The following PEX2 variants were observed in gnomAD, a reference collection of about 807,000 sequenced individuals.
PEX2 encodes peroxisome biogenesis factor 2.
PEX2 carries 19 observed loss-of-function variants against 25.2 expected under a neutral mutation model. That is an observed-to-expected ratio of 0.75 (90% confidence interval 0.53 to 1.10). The LOEUF (loss-of-function observed/expected upper bound fraction) is 1.10. Ranked by LOEUF, PEX2 falls within the 50% of genes least tolerant of loss-of-function variation. The pLI is 0.00. For synonymous variants in PEX2, 141 were observed against 127.7 expected, an observed-to-expected ratio of 1.10 and a Z score of -0.70; for missense variants, 347 against 350.6, an observed-to-expected ratio of 0.99 and a Z score of 0.08.
chr8:76,985,390 A>G (rs1310944102), intron 3 of PEX2, among the ~76,000 whole-genome samples: 1 of 152,188 alleles, frequency 6.6e-6, no homozygotes, highest in Non-Finnish European at 1.5e-5. Context: ...ACTCATGTCC[A>G]GAATAGCATA....
rs543650889 is a variant in PEX2, at chr8:76,991,655, T to C, written c.-159-3317A>G. On this transcript the variant is annotated intron_variant, in intron 1 of 3. Coordinates refer to ENST00000357039, the MANE Select transcript of PEX2 (RefSeq NM_000318.3). ...AATACTTCTCCCATGCTCTACATTC[T>C]TCTTTAGGCATCTGTCACAGAGTGG... Among the ~76,000 whole-genome samples, 6 of 152,316 alleles carry C rather than the reference T, an allele frequency of 3.9e-5. No homozygotes were observed. The South Asian group carries it at 1.2e-3, about 32-fold the overall frequency.
At chr8:76,986,613 T>C (rs935493074) in intron 2 of PEX2, 1 of 152,298 alleles carries the variant, frequency 6.6e-6, no homozygotes, top group East Asian at 1.9e-4. Context: ...AAGTACCCCC[T>C]TCTCCTGTTC....
rs1806996993 is a variant in PEX2 at position 76,986,186 on chromosome 8, C to T, written c.-18+1G>A. ...CCAATGATCTTCTGGGGAGATCTCACCTTTTTCCTGTTCCTGCAGCTCCCT... is the reference window on the plus strand; with the variant it reads ...CCAATGATCTTCTGGGGAGATCTCATCTTTTTCCTGTTCCTGCAGCTCCCT... On this transcript the variant is annotated splice_donor_variant, in intron 3 of 3. Transcript: ENST00000357039. LOFTEE classifies it low-confidence loss of function (5UTR_SPLICE). The T allele has an allele frequency of 6.6e-6, 1 of 152,116 alleles. No individual in the cohort carries two copies. The highest frequency in any genetic ancestry group is 6.5e-5 in the Admixed American group (1 of 15,282). The allele number at this position is 152,116 out of a possible 1,614,324, so 9.4% of individuals were successfully genotyped here. A position where few individuals can be genotyped will look rare whatever the true frequency, so the allele number is the denominator to read the frequency against.
chr8:76,997,473 G>A (rs1040344912), intron 1 of PEX2, among the ~76,000 whole-genome samples: 2 of 152,152 alleles, frequency 1.3e-5, no homozygotes, highest in African/African-American at 2.4e-5. Context: ...GGAGGCTGAG[G>A]TAGGAGAACT....
At chr8:77,000,789 CG>C (rs1722920125), upstream of PEX2, 1 of 152,470 alleles carries the variant, frequency 6.6e-6, no homozygotes, top group South Asian at 2.1e-4. Context: ...CACATCTCCC[CG>C]GTAACGCTTA....
chr8:77,000,360 T>TGAGGGCACTACTAGTGTC (rs1563614870), upstream of PEX2: 7 of 151,094 alleles, frequency 4.6e-5, no homozygotes, highest in Non-Finnish European at 9.9e-5. Flanking sequence ...GGGCCGCAAG[T>TGAGGGCACTACTAGTGTC]GAGGACACTA....
At chr8:76,989,022 A>AAG (rs1807085790) in intron 1 of PEX2, among the ~76,000 whole-genome samples, 1 of 151,032 alleles carries the variant, frequency 6.6e-6, no homozygotes, top group South Asian at 2.1e-4. Flanking sequence ...AAAAAAAAAA[A>AAG]AAAAATTAGC....
chr8:76,986,697 T>C (rs1434201845), intron 2 of PEX2, among the ~76,000 whole-genome samples: 7 of 152,194 alleles, frequency 4.6e-5, no homozygotes, highest in Non-Finnish European at 2.9e-5. Flanking sequence ...AAACTCATAC[T>C]AAGATTTTAA....
intron 1 of PEX2, among the ~76,000 whole-genome samples, chr8:76,992,340 C>A (rs1363791711): frequency 3.3e-5 from 5 of 152,152 alleles, no homozygotes; most frequent in African/African-American, 1.2e-4. Flanking sequence ...TGCTTTGCTG[C>A]ACACAACATG....
chr8:76,985,087 T>C (rs1806966306), intron 3 of PEX2, among the ~76,000 whole-genome samples: 1 of 150,702 alleles, frequency 6.6e-6, no homozygotes, highest in Non-Finnish European at 1.5e-5. Context: ...CAAGCTGATA[T>C]AATTAAAACA....
intron 1 of PEX2, among the ~76,000 whole-genome samples, chr8:76,989,207 C>T (rs755277827): frequency 2.6e-5 from 4 of 151,812 alleles, no homozygotes; most frequent in Non-Finnish European, 5.9e-5. Context: ...GGAAGCAAGT[C>T]CTTATCAATT....
upstream of PEX2, chr8:77,000,225 CAAGCCGAAGAGCCGAAGGGCCGAA>C (rs1449064643): frequency 7.0e-6 from 2 of 287,546 alleles, no homozygotes; most frequent in Non-Finnish European, 1.4e-5. Flanking sequence ...CGAACGCCGA[CAAGCCGAAGAGCCGAAGGGCCGAA>C]AAGCCGAAGC....
At chr8:77,000,933 G>A (rs557260719), upstream of PEX2, 14 of 152,332 alleles carry the variant, frequency 9.2e-5, no homozygotes, top group African/African-American at 3.4e-4. Flanking sequence ...CTCGTTCTGT[G>A]GTATGAATGG....
In PEX2 at chr8:76,983,485, T is replaced by G. The variant is rs1806899956; in HGVS notation, c.694A>C (p.Asn232His). 1 of 1,614,124 alleles carries G rather than the reference T, an allele frequency of 6.2e-7. No individual in the cohort carries two copies. Among genetic ancestry groups the G allele is most frequent in the East Asian group, 2.2e-5 (1 of 44,880 alleles). The change falls in exon 4 of 4, where the codon AAT becomes CAT. Residue 232 changes from asparagine (N) to histidine (H), a missense_variant. Transcript: ENST00000357039. Reference sequence around the variant, plus strand: ...CTGGTGGCTAATGTATTGTCACTATTAGGTGCACCAGTAAGAGGAATACAC... The same window carrying G: ...CTGGTGGCTAATGTATTGTCACTATGAGGTGCACCAGTAAGAGGAATACAC... ...SWCIPLTGAP[N>H]SDNTLATSGK...
At chr8:76,989,770 CTTTG>C (rs1457743471) in intron 1 of PEX2, among the ~76,000 whole-genome samples, 1 of 152,100 alleles carries the variant, frequency 6.6e-6, no homozygotes, top group East Asian at 1.9e-4. Flanking sequence ...GTCATCCAGG[CTTTG>C]TTTTTTTCAT....
chr8:76,996,834 G>A lies in PEX2; in HGVS notation c.-160+3156C>T, dbSNP rs117041599. ...TAATCCTCACAACACAGTAAGTACA[G>A]TATTATCATCTCCATTTTAAGAAGA... is the stretch of plus-strand genomic sequence containing the variant. On this transcript the variant is annotated intron_variant, in intron 1 of 3. Coordinates refer to ENST00000357039, the MANE Select transcript of PEX2 (RefSeq NM_000318.3). 2.0e-4 allele frequency among the ~76,000 whole-genome samples: 30 copies of A among 152,246 alleles called. No individual in the cohort carries two copies. In the East Asian group the frequency reaches 3.3e-3, roughly 17 times the overall value.
chr8:76,986,987 T>A (rs868125209), intron 2 of PEX2, among the ~76,000 whole-genome samples: 2 of 152,320 alleles, frequency 1.3e-5, no homozygotes. Flanking sequence ...AAGTCTGGGA[T>A]GTGTGAAGGA....
chr8:76,992,708 T>C (rs4551327), intron 1 of PEX2, among the ~76,000 whole-genome samples: 79,053 of 151,952 alleles, frequency 0.52, 21,709 homozygotes, highest in Admixed American at 0.63. Context: ...TGACAAATGG[T>C]TACTCAATGT....
chr8:76,992,010 CA>C (rs1446526295), intron 1 of PEX2, among the ~76,000 whole-genome samples: 1 of 152,144 alleles, frequency 6.6e-6, no homozygotes, highest in African/African-American at 2.4e-5. Flanking sequence ...CAACCTGTAT[CA>C]AAATGTTTTT....
Sources: gnomAD v4.1 joint callset for allele counts (sites outside exome capture counted in the v4.1 genomes callset) on GRCh38, gnomAD v4.1.1 for gene constraint, MANE v1.5 for transcripts, NCBI Gene and HGNC (gene_info 2026-07-23, HGNC 2026-07-21) for gene names.